The following VGLL4 variants were observed in gnomAD, a reference collection of about 807,000 sequenced individuals.
The protein encoded by VGLL4 is vestigial like family member 4, also known as transcription cofactor vestigial-like protein 4.
In VGLL4, 7 loss-of-function variants were observed where a neutral mutation model predicts 21.0. That is an observed-to-expected ratio of 0.33 (90% CI 0.19 to 0.63). The LOEUF (loss-of-function observed/expected upper bound fraction) is 0.63. Among genes scored for constraint, VGLL4 ranks in the 20% least tolerant of loss-of-function variants. The probability of loss-of-function intolerance (pLI) is 0.78; values close to 1 mark genes in which losing one functional copy is unlikely to be tolerated. For missense variants in VGLL4, 394 were observed against 425.7 expected (o/e 0.93, Z 0.66); for synonymous variants, 222 against 173.2 (o/e 1.28, Z -2.21).
chr3:11,560,227 G>GT (rs2072859508), intron 3 of VGLL4, among the ~76,000 whole-genome samples: 1 of 152,160 alleles, frequency 6.6e-6, no homozygotes, highest in Non-Finnish European at 1.5e-5. Context: ...AGGTGCTCCC[G>GT]TAAGACCATG....
At chr3:11,598,477 CCT>C (rs60076771) in intron 2 of VGLL4, among the ~76,000 whole-genome samples, 18,342 of 151,318 alleles carry the variant, frequency 0.12, 1,356 homozygotes, top group East Asian at 0.25. Context: ...TTTCTTTCTT[CCT>C]CTCTCTCTCT....
intron 1 of VGLL4, among the ~76,000 whole-genome samples, chr3:11,629,152 T>C (rs972423416): frequency 8.5e-5 from 13 of 152,182 alleles, no homozygotes; most frequent in African/African-American, 3.1e-4. Context: ...TTAAACACAC[T>C]ATGATTTTGG....
chr3:11,638,700 C>T (rs1337533362), intron 1 of VGLL4, among the ~76,000 whole-genome samples: 1 of 152,140 alleles, frequency 6.6e-6, no homozygotes, highest in African/African-American at 2.4e-5. Context: ...GGCTGGGGAC[C>T]AGGAGAGGGT....
chr3:11,574,785 A>ATGTATG (rs1553723624), intron 2 of VGLL4, among the ~76,000 whole-genome samples: 11 of 121,780 alleles, frequency 9.0e-5, no homozygotes, highest in African/African-American at 3.5e-4. Flanking sequence ...TCAACTATAT[A>ATGTATG]TGTGTGTGTG....
rs1307432360 is a variant in VGLL4 at position 11,601,903 on chromosome 3, G to T, written c.202C>A (p.Pro68Thr). ...TCACAGTCTAGGTCCTCGTCACCTG[G>T]CTCCATGCTGAACTTCCTCTTGCTG... Reference protein sequence around the residue: ...SPSKRKFSMEPGDEDLDCDND... With the variant: ...SPSKRKFSMETGDEDLDCDND... Residue 68 changes from proline (P) to threonine (T), a missense_variant, in exon 2 of 5, where the codon CCA (proline) becomes ACA (threonine). Transcript: ENST00000430365. 2 of 1,613,684 alleles carry T rather than the reference G, an allele frequency of 1.2e-6. No individual in the cohort carries two copies. Among genetic ancestry groups the T allele is most frequent in the Non-Finnish European group, 1.7e-6 (2 of 1,179,870 alleles).
upstream of VGLL4, among the ~76,000 whole-genome samples, chr3:11,645,559 T>C (rs866691205): frequency 3.1e-3 from 225 of 71,694 alleles, 2 homozygotes; most frequent in East Asian, 5.7e-3. Flanking sequence ...CACTGCAGTC[T>C]GCAGTCCGCA....
intron 1 of VGLL4, among the ~76,000 whole-genome samples, chr3:11,625,779 A>G (rs1201826752): frequency 1.3e-5 from 2 of 152,208 alleles, no homozygotes; most frequent in African/African-American, 4.8e-5. Context: ...TCAGCAATAA[A>G]AAGGAATGAA....
chr3:11,631,191 T>A (rs1321148757), intron 1 of VGLL4, among the ~76,000 whole-genome samples: 1 of 152,198 alleles, frequency 6.6e-6, no homozygotes, highest in Non-Finnish European at 1.5e-5. Context: ...AAACAGTGGT[T>A]CTCTTTGGGG....
At chr3:11,678,114 C>T (rs775683628) in intron 2 of VGLL4, among the ~76,000 whole-genome samples, 4 of 151,926 alleles carry the variant, frequency 2.6e-5, no homozygotes, top group Admixed American at 6.6e-5. Context: ...AGTGCAGTAG[C>T]GCCATCTCAG....
chr3:11,611,378 G>C (rs2075059811), intron 1 of VGLL4, among the ~76,000 whole-genome samples: 1 of 152,192 alleles, frequency 6.6e-6, no homozygotes, highest in South Asian at 2.1e-4. Context: ...TGGGAGAAGA[G>C]AAGGCGGCCA....
At chr3:11,718,110 T>G (rs1317969263) in intron 1 of VGLL4, among the ~76,000 whole-genome samples, 1 of 152,196 alleles carries the variant, frequency 6.6e-6, no homozygotes, top group Non-Finnish European at 1.5e-5. Flanking sequence ...CACTTCCAAA[T>G]GGAAAGCAAA....
chr3:11,640,226 A>G (rs1223198329), intron 1 of VGLL4, among the ~76,000 whole-genome samples: 1 of 152,070 alleles, frequency 6.6e-6, no homozygotes, highest in African/African-American at 2.4e-5. Flanking sequence ...CTGAAAGCCC[A>G]CTCAGACCCT....
chr3:11,632,532 C>T (rs1046367129), intron 1 of VGLL4, among the ~76,000 whole-genome samples: 5 of 152,172 alleles, frequency 3.3e-5, no homozygotes, highest in African/African-American at 1.2e-4. Flanking sequence ...TCCCACACTC[C>T]TAAGATTCCA....
intron 1 of VGLL4, among the ~76,000 whole-genome samples, chr3:11,637,517 G>T (rs1055181042): frequency 6.6e-6 from 1 of 152,116 alleles, no homozygotes; most frequent in East Asian, 1.9e-4. Flanking sequence ...CATTAAAGAG[G>T]ACTTTTAAGA....
At chr3:11,639,038 CCTA>C (rs60913746) in intron 1 of VGLL4, among the ~76,000 whole-genome samples, 317 of 152,332 alleles carry the variant, frequency 2.1e-3, no homozygotes, top group African/African-American at 7.1e-3. Context: ...GCAATGTATT[CCTA>C]CTTTCTCCCA....
chr3:11,630,160 A>C (rs1247772870), intron 1 of VGLL4, among the ~76,000 whole-genome samples: 1 of 152,192 alleles, frequency 6.6e-6, no homozygotes, highest in Non-Finnish European at 1.5e-5. Context: ...CCAGCCTCTA[A>C]TTTAGACAAT....
intron 2 of VGLL4, among the ~76,000 whole-genome samples, chr3:11,667,608 A>G (rs551134744): frequency 7.9e-5 from 12 of 152,296 alleles, no homozygotes; most frequent in Admixed American, 2.6e-4. Context: ...GCCCATAGAA[A>G]GGCCTCAATA....
At chr3:11,664,274 T>C (rs943765126) in intron 2 of VGLL4, among the ~76,000 whole-genome samples, 1 of 151,908 alleles carries the variant, frequency 6.6e-6, no homozygotes, top group Non-Finnish European at 1.5e-5. Flanking sequence ...CAGCTGCAAA[T>C]AGAACAGAAG....
In VGLL4 at chr3:11,557,265, A is replaced by G. The variant is rs754977474; in HGVS notation, c.*1291T>C. The stretch of plus-strand genomic sequence containing the variant: ...ATAATAAATGCAGTAATAACAGTAT[A>G]AAGTCAGAGGAATGTATACTGCCTT... On this transcript the variant is annotated 3_prime_UTR_variant, in exon 5 of 5. Transcript: ENST00000430365. 1 of 152,842 alleles carries G rather than the reference A, an allele frequency of 6.5e-6. No individual in the cohort carries two copies. Among genetic ancestry groups the G allele is most frequent in the African/African-American group, 2.4e-5 (1 of 41,470 alleles). The allele number at this position is 152,842 out of a possible 1,614,324, so 9.5% of individuals were successfully genotyped here. A position where few individuals can be genotyped will look rare whatever the true frequency, so the allele number is the denominator to read the frequency against.
Sources: allele counts gnomAD v4.1 joint callset (sites outside exome capture counted in the v4.1 genomes callset), GRCh38; gene constraint gnomAD v4.1.1; transcripts MANE v1.5; gene names NCBI Gene and HGNC (gene_info 2026-07-23, HGNC 2026-07-21).